The following LDAH variants were observed in gnomAD, a reference collection of about 807,000 sequenced individuals.
LDAH encodes the protein lipid droplet-associated hydrolase.
Under a neutral mutation model 29.6 loss-of-function variants are expected in LDAH, and 26 were observed. That is an observed-to-expected ratio of 0.88 (90% CI 0.64 to 1.22). LDAH has a LOEUF of 1.22. LDAH is among the 50% of genes most tolerant of loss of function. The pLI is 0.00. For synonymous variants in LDAH, 117 were observed against 133.0 expected (o/e 0.88, Z 0.83); for missense variants, 344 against 387.3 (o/e 0.89, Z 0.94).
intron 5 of LDAH, among the ~76,000 whole-genome samples, chr2:20,721,574 A>C (rs6720307): frequency 0.41 from 61,801 of 151,630 alleles, 13,433 homozygotes; most frequent in African/African-American, 0.55. Flanking sequence ...CAAAAAAAAA[A>C]CCCCACAATT....
intron 3 of LDAH, among the ~76,000 whole-genome samples, chr2:20,779,321 A>G (rs2125035031): frequency 6.6e-6 from 1 of 151,120 alleles, no homozygotes; most frequent in South Asian, 2.1e-4. Context: ...GGACACAGAG[A>G]GGGGAACAAC....
chr2:20,705,794 A>G (rs1373002427), intron 5 of LDAH, among the ~76,000 whole-genome samples: 1 of 152,250 alleles, frequency 6.6e-6, no homozygotes, highest in Non-Finnish European at 1.5e-5. Context: ...AAAATAATCA[A>G]TATTACTATT....
intron 5 of LDAH, among the ~76,000 whole-genome samples, chr2:20,733,448 GGAGTGCAGTGTCAC>G: frequency 6.9e-6 from 1 of 145,380 alleles, no homozygotes; most frequent in African/African-American, 2.6e-5. Context: ...CTCCCAGGCT[GGAGTGCAGTGTCAC>G]GATCTCGGCT....
At position 20,685,233 on chromosome 2, in the gene LDAH, G is replaced by A. The variant is rs1662472845; in HGVS notation, c.*1670C>T. 2.1e-6 allele frequency: 1 copy of A among 465,234 alleles called. No individual in the cohort carries two copies. Among genetic ancestry groups the A allele is most frequent in the Non-Finnish European group, 3.7e-6 (1 of 268,240 alleles). 28.8% of individuals were successfully genotyped at this position (465,234 alleles called of 1,614,324 possible). A position where few individuals can be genotyped will look rare whatever the true frequency, so the allele number is the denominator to read the frequency against. On this transcript the variant is annotated 3_prime_UTR_variant, in exon 7 of 7. Coordinates refer to ENST00000237822, the MANE Select transcript of LDAH (RefSeq NM_021925.4). Reference sequence around the variant, plus strand: ...AACAGATAAAAGAAAAGCTCTGAATGTTACTCTTTATTCTGGTAGGTATGA... The same window carrying A: ...AACAGATAAAAGAAAAGCTCTGAATATTACTCTTTATTCTGGTAGGTATGA...
At position 20,691,425 on chromosome 2, in the gene LDAH, C is replaced by T. The variant is rs191618847; in HGVS notation, c.787-4331G>A. Among the ~76,000 whole-genome samples, 40 of 152,288 alleles carry T rather than the reference C, an allele frequency of 2.6e-4. No individual in the cohort carries two copies. In the East Asian group the frequency reaches 6.4e-3, roughly 24 times the overall value. On this transcript the variant is annotated intron_variant, in intron 6 of 6. Coordinates refer to ENST00000237822, the MANE Select transcript of LDAH (RefSeq NM_021925.4). ...CTCCTGGGCTCAAGTGATCCACCCA[C>T]CTCACCCTCACAAAGTACTGAAATT...
At chr2:20,789,402 C>G in intron 3 of LDAH, 1 of 1,449,934 alleles carries the variant, frequency 6.9e-7, no homozygotes, top group Non-Finnish European at 9.1e-7. Context: ...CTGGACTGGA[C>G]GTCCAGTCTC....
chr2:20,705,714 A>G (rs1206305844), intron 5 of LDAH, among the ~76,000 whole-genome samples: 2 of 152,236 alleles, frequency 1.3e-5, no homozygotes, highest in African/African-American at 2.4e-5. Flanking sequence ...TTCCTACTAT[A>G]AACATGTGCT....
At chr2:20,750,461 C>T (rs970242197) in intron 4 of LDAH, among the ~76,000 whole-genome samples, 5 of 152,188 alleles carry the variant, frequency 3.3e-5, no homozygotes, top group African/African-American at 9.6e-5. Flanking sequence ...AGTGCCTCCA[C>T]GGTATCTGAA....
At chr2:20,811,957 A>C (rs1672533290) in intron 1 of LDAH, among the ~76,000 whole-genome samples, 1 of 152,130 alleles carries the variant, frequency 6.6e-6, no homozygotes, top group Admixed American at 6.5e-5. Context: ...GGAGTGAATG[A>C]GAGTCTTGGT....
chr2:20,682,925 G>A (rs573591255), downstream of LDAH, among the ~76,000 whole-genome samples: 4 of 152,352 alleles, frequency 2.6e-5, no homozygotes, highest in South Asian at 8.3e-4. Flanking sequence ...CTGTGAAGGT[G>A]CTGGGGTGAG....
At chr2:20,822,373 G>A (rs912729724) in intron 1 of LDAH, among the ~76,000 whole-genome samples, 4 of 152,120 alleles carry the variant, frequency 2.6e-5, no homozygotes, top group African/African-American at 9.7e-5. Flanking sequence ...TCGATCTCCT[G>A]ACCTCCTGAT....
At chr2:20,712,823 A>T (rs866299072) in intron 5 of LDAH, among the ~76,000 whole-genome samples, 1 of 151,960 alleles carries the variant, frequency 6.6e-6, no homozygotes, top group South Asian at 2.1e-4. Flanking sequence ...TAAAGTGAGA[A>T]GAGAAGTTTA....
intron 1 of LDAH, among the ~76,000 whole-genome samples, chr2:20,820,061 T>C (rs1419388130): frequency 2.0e-5 from 3 of 151,820 alleles, no homozygotes; most frequent in Non-Finnish European, 2.9e-5. Flanking sequence ...TTACAAGGGA[T>C]GTGAAGGACC....
At chr2:20,696,415 G>A (rs985895687) in intron 6 of LDAH, among the ~76,000 whole-genome samples, 1 of 152,148 alleles carries the variant, frequency 6.6e-6, no homozygotes, top group African/African-American at 2.4e-5. Context: ...CTGGGGGCAG[G>A]GGCAGCACCA....
downstream of LDAH, among the ~76,000 whole-genome samples, chr2:20,682,950 T>C (rs1662357592): frequency 6.6e-6 from 1 of 152,246 alleles, no homozygotes. Flanking sequence ...ATACTCCTTA[T>C]CTGGATTAGC....
At chr2:20,707,087 CACCA>C (rs1397602380) in intron 5 of LDAH, among the ~76,000 whole-genome samples, 1 of 152,170 alleles carries the variant, frequency 6.6e-6, no homozygotes, top group African/African-American at 2.4e-5. Context: ...AGGCCATACC[CACCA>C]ACCACCTCCC....
At chr2:20,769,786 C>T (rs1373739554) in intron 4 of LDAH, among the ~76,000 whole-genome samples, 3 of 152,140 alleles carry the variant, frequency 2.0e-5, no homozygotes, top group African/African-American at 7.2e-5. Flanking sequence ...AATGTCCACA[C>T]ATTTAATGCT....
intron 1 of LDAH, among the ~76,000 whole-genome samples, chr2:20,820,555 T>C (rs1361989835): frequency 6.6e-6 from 1 of 152,096 alleles, no homozygotes; most frequent in African/African-American, 2.4e-5. Context: ...GAAAACTGGC[T>C]AGCCATATGT....
chr2:20,766,836 C>T (rs953098684), intron 4 of LDAH, among the ~76,000 whole-genome samples: 4 of 152,208 alleles, frequency 2.6e-5, no homozygotes, highest in African/African-American at 9.6e-5. Flanking sequence ...CTGTGCCCCA[C>T]GTCCTTGAGG....
Sources: gnomAD v4.1 joint callset for allele counts (sites outside exome capture counted in the v4.1 genomes callset) on GRCh38, gnomAD v4.1.1 for gene constraint, MANE v1.5 for transcripts, NCBI Gene and HGNC (gene_info 2026-07-23, HGNC 2026-07-21) for gene names.